DNAJC1: variants seen among roughly 807,000 people sequenced by gnomAD.
DNAJC1 encodes the protein DnaJ heat shock protein family (Hsp40) member C1, also known as dnaJ homolog subfamily C member 1.
Under a neutral mutation model 76.6 loss-of-function variants are expected in DNAJC1, and 58 were observed. The ratio of observed to expected loss-of-function variants is 0.76; its 90% CI spans 0.61 to 0.94. DNAJC1 has a LOEUF of 0.94. Among genes scored for constraint, DNAJC1 ranks in the 40% least tolerant of loss-of-function variants. The probability of loss-of-function intolerance (pLI) is 0.00; values close to 1 mark genes in which losing one functional copy is unlikely to be tolerated. For synonymous variants in DNAJC1, 258 were observed against 267.9 expected, an observed-to-expected ratio of 0.96 and a Z score of 0.36; for missense variants, 689 against 677.3, an observed-to-expected ratio of 1.02 and a Z score of -0.19.
intron 8 of DNAJC1, among the ~76,000 whole-genome samples, chr10:21,834,146 C>A (rs1835411058): frequency 6.6e-6 from 1 of 152,052 alleles, no homozygotes; most frequent in Admixed American, 6.5e-5. Flanking sequence ...CGCCTGTAGT[C>A]CCAGCTACTC....
intron 9 of DNAJC1, among the ~76,000 whole-genome samples, chr10:21,792,224 A>T (rs1159115587): frequency 1.3e-5 from 2 of 152,226 alleles, no homozygotes; most frequent in Non-Finnish European, 2.9e-5. Context: ...TTAGTAACTA[A>T]AAGTCTTCCC....
intron 7 of DNAJC1, among the ~76,000 whole-genome samples, chr10:21,891,149 C>T (rs545433423): frequency 6.6e-6 from 1 of 152,136 alleles, no homozygotes; most frequent in South Asian, 2.1e-4. Context: ...AAGACGGTAC[C>T]ATTGCATTCC....
chr10:21,948,945 T>C (rs1299722099), intron 1 of DNAJC1, among the ~76,000 whole-genome samples: 1 of 152,170 alleles, frequency 6.6e-6, no homozygotes, highest in Non-Finnish European at 1.5e-5. Flanking sequence ...TTTAATTAAT[T>C]CAGAAGAGTA....
At chr10:21,940,873 T>G (rs979847643) in intron 1 of DNAJC1, among the ~76,000 whole-genome samples, 3 of 151,940 alleles carry the variant, frequency 2.0e-5, no homozygotes, top group African/African-American at 7.3e-5. Flanking sequence ...CTGATTTATC[T>G]TGAAAAGGAG....
intron 8 of DNAJC1, among the ~76,000 whole-genome samples, chr10:21,826,720 G>C (rs1018011187): frequency 1.3e-5 from 2 of 152,038 alleles, no homozygotes; most frequent in African/African-American, 4.8e-5. Flanking sequence ...TTTTGTAAGA[G>C]GATATTCAGT....
At chr10:21,778,116 G>A (rs1164552357) in intron 9 of DNAJC1, among the ~76,000 whole-genome samples, 1 of 152,174 alleles carries the variant, frequency 6.6e-6, no homozygotes, top group Admixed American at 6.5e-5. Flanking sequence ...TTGAACCCAG[G>A]AGGCAGAGGT....
At chr10:21,875,536 G>A (rs1335189287) in intron 8 of DNAJC1, among the ~76,000 whole-genome samples, 1 of 152,122 alleles carries the variant, frequency 6.6e-6, no homozygotes, top group African/African-American at 2.4e-5. Context: ...AATGAAACAA[G>A]GATACTTGTT....
chr10:21,887,224 T>G (rs953059187), intron 7 of DNAJC1, among the ~76,000 whole-genome samples: 1 of 151,632 alleles, frequency 6.6e-6, no homozygotes, highest in Non-Finnish European at 1.5e-5. Flanking sequence ...AAAACTCAAA[T>G]AAAGAAATCA....
intron 7 of DNAJC1, among the ~76,000 whole-genome samples, chr10:21,892,113 T>C (rs139579216): frequency 1.0e-3 from 153 of 152,132 alleles, no homozygotes; most frequent in African/African-American, 3.5e-3. Context: ...GTTATGTATA[T>C]ATAACATACT....
intron 7 of DNAJC1, among the ~76,000 whole-genome samples, chr10:21,888,498 A>G (rs945174156): frequency 6.6e-6 from 1 of 152,186 alleles, no homozygotes; most frequent in Non-Finnish European, 1.5e-5. Flanking sequence ...ATGCCCATCA[A>G]TTAGCAATTT....
chr10:21,813,222 A>C (rs372580277), intron 8 of DNAJC1, among the ~76,000 whole-genome samples: 345 of 76,714 alleles, frequency 4.5e-3, no homozygotes, highest in East Asian at 0.022. Context: ...CTCTCTCTCT[A>C]TATATATATA....
chr10:21,924,519 T>C (rs757514865), intron 3 of DNAJC1, among the ~76,000 whole-genome samples: 8 of 152,182 alleles, frequency 5.3e-5, no homozygotes, highest in South Asian at 2.1e-4. Context: ...ATCTAGTATA[T>C]AAATGTCATG....
intron 8 of DNAJC1, among the ~76,000 whole-genome samples, chr10:21,843,885 C>G (rs1205670187): frequency 6.6e-6 from 1 of 152,096 alleles, no homozygotes; most frequent in Non-Finnish European, 1.5e-5. Context: ...TGTCCTCACA[C>G]AAATCTCACC....
chr10:21,862,044 G>A (rs976132507), intron 8 of DNAJC1, among the ~76,000 whole-genome samples: 4 of 151,576 alleles, frequency 2.6e-5, no homozygotes, highest in African/African-American at 9.7e-5. Context: ...TCTGCCTCCC[G>A]AGTAGCTAGG....
At chr10:21,809,844 T>A (rs916791050) in intron 8 of DNAJC1, among the ~76,000 whole-genome samples, 1 of 152,228 alleles carries the variant, frequency 6.6e-6, no homozygotes, top group African/African-American at 2.4e-5. Flanking sequence ...TAACCTCAAA[T>A]GTCTTTTTAC....
intron 8 of DNAJC1, among the ~76,000 whole-genome samples, chr10:21,834,136 C>T (rs1293411182): frequency 2.0e-5 from 3 of 151,992 alleles, no homozygotes; most frequent in African/African-American, 4.8e-5. Context: ...CGGTGGCGGG[C>T]GCCTGTAGTC....
chr10:21,965,755 G>A (rs1252551249), intron 1 of DNAJC1, among the ~76,000 whole-genome samples: 1 of 152,084 alleles, frequency 6.6e-6, no homozygotes, highest in Non-Finnish European at 1.5e-5. Flanking sequence ...TATACCTAGG[G>A]TGGACGCGTT....
chr10:21,827,905 C>A lies in DNAJC1; in HGVS notation c.979-21806G>T, dbSNP rs181504822. 1.9e-3 allele frequency among the ~76,000 whole-genome samples: 287 copies of A among 152,260 alleles called. 2 individuals carry two copies. Among genetic ancestry groups the A allele is most frequent in the Middle Eastern group, 0.01 (3 of 294 alleles). ...ACTACTAGCATGCTGCAATGAACATCTTTTAAATAATTCTTTGCTTATATG... is the reference window on the plus strand; with the variant it reads ...ACTACTAGCATGCTGCAATGAACATATTTTAAATAATTCTTTGCTTATATG... On this transcript the variant is annotated intron_variant, in intron 8 of 11. Coordinates refer to ENST00000376980, the MANE Select transcript of DNAJC1 (RefSeq NM_022365.4).
intron 9 of DNAJC1, among the ~76,000 whole-genome samples, chr10:21,769,857 T>C (rs905344599): frequency 2.6e-5 from 4 of 152,290 alleles, no homozygotes; most frequent in Middle Eastern, 3.4e-3. Context: ...AGGCTAATTT[T>C]GTATTTTTAG....
Sources: gnomAD v4.1 joint callset for allele counts (sites outside exome capture counted in the v4.1 genomes callset) on GRCh38, gnomAD v4.1.1 for gene constraint, MANE v1.5 for transcripts, NCBI Gene and HGNC (gene_info 2026-07-23, HGNC 2026-07-21) for gene names.